Variants in EDA observed in about 807,000 individuals in gnomAD.
The protein encoded by EDA is ectodysplasin A.
EDA carries 2 observed loss-of-function variants against 23.6 expected under a neutral mutation model. The ratio of observed to expected loss-of-function variants is 0.08; its 90% CI spans 0.03 to 0.27. EDA has a LOEUF of 0.27. EDA is among the 10% of genes least tolerant of loss of function. The pLI is 1.00. For missense variants in EDA, 229 were observed against 324.2 expected (o/e 0.71, Z 2.26); for synonymous variants, 131 against 132.0 (o/e 0.99, Z 0.05).
At chrX:69,627,409 A>T (rs1022154746) in intron 1 of EDA, among the ~76,000 whole-genome samples, 4 of 111,337 alleles carry the variant, frequency 3.6e-5, no homozygotes, top group African/African-American at 1.3e-4. Flanking sequence ...GGGTTAAAAT[A>T]TATCATACAG....
chrX:69,864,323 A>G (rs756282633), intron 1 of EDA, among the ~76,000 whole-genome samples: 13 of 110,740 alleles, frequency 1.2e-4, no homozygotes, highest in Admixed American at 9.7e-4. Context: ...CCCAGAGCCC[A>G]TTAGCTCCAC....
intron 1 of EDA, among the ~76,000 whole-genome samples, chrX:69,864,417 C>T (rs1252536464): frequency 4.5e-5 from 5 of 111,649 alleles, no homozygotes; most frequent in African/African-American, 1.6e-4. Context: ...AGGGAGAACA[C>T]CACATCAAGG....
At chrX:69,668,895 A>G (rs1933782758) in intron 1 of EDA, among the ~76,000 whole-genome samples, 1 of 111,746 alleles carries the variant, frequency 8.9e-6, no homozygotes, top group African/African-American at 3.3e-5. Flanking sequence ...TTGTATTGCT[A>G]TCGATTTCTC....
chrX:69,654,745 A>G (rs1933242546), intron 1 of EDA, among the ~76,000 whole-genome samples: 2 of 99,109 alleles, frequency 2.0e-5, no homozygotes, highest in Non-Finnish European at 4.1e-5. Context: ...GGAATTGAAC[A>G]ATGAGAACAC....
chrX:69,707,759 C>G (rs1485214944), intron 1 of EDA, among the ~76,000 whole-genome samples: 1 of 110,953 alleles, frequency 9.0e-6, no homozygotes, highest in Non-Finnish European at 1.9e-5. Context: ...TTTTTGGATC[C>G]AGATGAACCC....
intron 1 of EDA, among the ~76,000 whole-genome samples, chrX:69,781,205 A>G (rs150840925): frequency 1.2e-3 from 130 of 111,534 alleles, no homozygotes; most frequent in African/African-American, 4.0e-3. Flanking sequence ...GTGAACACTC[A>G]TGTATAAGTT....
chrX:69,771,337 C>T (rs748203825), intron 1 of EDA, among the ~76,000 whole-genome samples: 11 of 111,246 alleles, frequency 9.9e-5, no homozygotes, highest in African/African-American at 2.6e-4. Flanking sequence ...GGATTACACG[C>T]GTGAGCCACC....
chrX:69,813,303 A>T (rs2016004064), intron 1 of EDA, among the ~76,000 whole-genome samples: 1 of 111,454 alleles, frequency 9.0e-6, no homozygotes, highest in South Asian at 3.8e-4. Context: ...ATGCTGCTTT[A>T]GGTCTCTGTA....
chrX:69,806,637 T>C (rs1235421602), intron 1 of EDA, among the ~76,000 whole-genome samples: 1 of 110,939 alleles, frequency 9.0e-6, no homozygotes, highest in African/African-American at 3.3e-5. Flanking sequence ...GGTTACATGC[T>C]ACAAAAGAGA....
intron 1 of EDA, among the ~76,000 whole-genome samples, chrX:69,871,337 A>G (rs2017562510): frequency 9.0e-6 from 1 of 111,600 alleles, no homozygotes; most frequent in Non-Finnish European, 1.9e-5. Flanking sequence ...GTATGCATAT[A>G]TAAAGGGGAA....
chrX:69,798,063 T>TA (rs1344088040), intron 1 of EDA, among the ~76,000 whole-genome samples: 1 of 110,661 alleles, frequency 9.0e-6, no homozygotes, highest in Non-Finnish European at 1.9e-5. Flanking sequence ...TCAAAAACAG[T>TA]AAAAAAGGCA....
intron 1 of EDA, among the ~76,000 whole-genome samples, chrX:69,837,012 T>C (rs1472478427): frequency 8.9e-6 from 1 of 112,539 alleles, no homozygotes; most frequent in Non-Finnish European, 1.9e-5. Flanking sequence ...TTAAATTCTT[T>C]AATTTTTAAA....
intron 1 of EDA, among the ~76,000 whole-genome samples, chrX:69,903,312 G>T (rs753545797): frequency 9.0e-6 from 1 of 110,931 alleles, no homozygotes; most frequent in Non-Finnish European, 1.9e-5. Context: ...CTTTAACCTT[G>T]TATTTATTAA....
intron 1 of EDA, among the ~76,000 whole-genome samples, chrX:69,881,291 C>T (rs1413897706): frequency 1.8e-5 from 2 of 110,053 alleles, no homozygotes; most frequent in Admixed American, 1.9e-4. Flanking sequence ...CACCACCACC[C>T]CCCAAAAAAA....
At chrX:69,731,657 G>T (rs1366883436) in intron 1 of EDA, among the ~76,000 whole-genome samples, 8 of 111,177 alleles carry the variant, frequency 7.2e-5, no homozygotes, top group African/African-American at 2.6e-4. Flanking sequence ...GGCCAGGCTG[G>T]TCTCAAACTC....
intron 1 of EDA, among the ~76,000 whole-genome samples, chrX:69,906,560 T>C (rs2018179402): frequency 1.8e-5 from 2 of 112,383 alleles, no homozygotes; most frequent in Non-Finnish European, 3.8e-5. Context: ...GAATTGGATT[T>C]TGTGAAGCTT....
At chrX:69,973,202 A>G (rs2019271741) in intron 2 of EDA, among the ~76,000 whole-genome samples, 1 of 111,500 alleles carries the variant, frequency 9.0e-6, no homozygotes, top group South Asian at 3.8e-4. Context: ...TCCAGTGTAT[A>G]CCCACACATA....
chrX:69,891,967 G>A (rs1011104660), intron 1 of EDA, among the ~76,000 whole-genome samples: 9 of 111,495 alleles, frequency 8.1e-5, no homozygotes, highest in Admixed American at 1.9e-4. Flanking sequence ...AGAAAAGGAC[G>A]CAGGAGAAAA....
chrX:69,895,322 G>A (rs933425410), intron 1 of EDA, among the ~76,000 whole-genome samples: 3 of 107,902 alleles, frequency 2.8e-5, no homozygotes, highest in East Asian at 2.9e-4. Flanking sequence ...AGTTTCCAGC[G>A]GTGAGACTGG....
Sources: gnomAD v4.1 joint callset for allele counts (sites outside exome capture counted in the v4.1 genomes callset) on GRCh38, gnomAD v4.1.1 for gene constraint, MANE v1.5 for transcripts, NCBI Gene and HGNC (gene_info 2026-07-23, HGNC 2026-07-21) for gene names.